The following DYM variants were observed in gnomAD, a reference collection of about 807,000 sequenced individuals.
DYM encodes dymeclin.
DYM carries 78 observed loss-of-function variants against 93.1 expected under a neutral mutation model. The ratio of observed to expected loss-of-function variants is 0.84; its 90% CI spans 0.70 to 1.01. The LOEUF (loss-of-function observed/expected upper bound fraction) is 1.01, where lower values mean the gene tolerates loss of function less well. DYM is among the 50% of genes least tolerant of loss of function. DYM has a pLI of 0.00. For synonymous variants in DYM, 321 were observed against 319.7 expected, an observed-to-expected ratio of 1.00 and a Z score of -0.04; for missense variants, 789 against 845.0, an observed-to-expected ratio of 0.93 and a Z score of 0.82.
intron 14 of DYM, among the ~76,000 whole-genome samples, chr18:49,186,547 G>C (rs1001085015): frequency 1.3e-5 from 2 of 152,094 alleles, no homozygotes; most frequent in Non-Finnish European, 2.9e-5. Flanking sequence ...TTCTTTAAAA[G>C]TCACTTTAGT....
chr18:49,354,081 G>C (rs529600956), intron 6 of DYM, among the ~76,000 whole-genome samples: 3 of 151,942 alleles, frequency 2.0e-5, no homozygotes, highest in Non-Finnish European at 2.9e-5. Flanking sequence ...AGAATAAATA[G>C]ATCAACAGAA....
intron 5 of DYM, 52 bp downstream of exon 5, chr18:49,378,515 C>T (rs1276970572): frequency 3.3e-6 from 5 of 1,514,834 alleles, no homozygotes; most frequent in Non-Finnish European, 4.6e-6. Flanking sequence ...GAAATTTTAT[C>T]CTTAAATGTT....
At chr18:49,307,444 A>C (rs1253607132) in intron 8 of DYM, among the ~76,000 whole-genome samples, 1 of 152,094 alleles carries the variant, frequency 6.6e-6, no homozygotes, top group African/African-American at 2.4e-5. Context: ...TCTACCTGCA[A>C]ATTTGCCCAT....
intron 14 of DYM, among the ~76,000 whole-genome samples, chr18:49,172,545 T>C (rs1335198044): frequency 6.6e-6 from 1 of 152,192 alleles, no homozygotes; most frequent in Admixed American, 6.5e-5. Context: ...TGCTCATATG[T>C]TGTCTTTGGT....
At chr18:49,380,667 T>C (rs757763701) in intron 3 of DYM, among the ~76,000 whole-genome samples, 11 of 152,208 alleles carry the variant, frequency 7.2e-5, no homozygotes, top group Non-Finnish European at 1.2e-4. Context: ...TAAAGCTCTA[T>C]TGGGCTGCAC....
intron 8 of DYM, among the ~76,000 whole-genome samples, chr18:49,322,605 G>A (rs906641664): frequency 5.3e-5 from 8 of 151,498 alleles, no homozygotes; most frequent in African/African-American, 1.9e-4. Flanking sequence ...TATATTTATT[G>A]TATACATTAT....
intron 6 of DYM, among the ~76,000 whole-genome samples, chr18:49,352,524 G>C (rs934436735): frequency 1.3e-5 from 2 of 152,286 alleles, no homozygotes; most frequent in African/African-American, 4.8e-5. Context: ...CAGGGACGAG[G>C]AGTTGGGATA....
chr18:49,398,637 G>A (rs2070411171), intron 2 of DYM, among the ~76,000 whole-genome samples: 1 of 152,166 alleles, frequency 6.6e-6, no homozygotes, highest in Non-Finnish European at 1.5e-5. Context: ...CAATTCCTGG[G>A]ACCAGTTCTT....
intron 2 of DYM, among the ~76,000 whole-genome samples, chr18:49,406,886 T>A (rs968479145): frequency 6.6e-6 from 1 of 152,242 alleles, no homozygotes; most frequent in Non-Finnish European, 1.5e-5. Flanking sequence ...CTCAAAAACT[T>A]GTACATGAAT....
chr18:49,061,535 G>A (rs756597547), intron 17 of DYM, among the ~76,000 whole-genome samples: 70 of 152,356 alleles, frequency 4.6e-4, no homozygotes, highest in Non-Finnish European at 7.9e-4. Context: ...GCAAAGCTGT[G>A]CCCAGGACCT....
At chr18:49,188,327 T>C (rs186297445) in intron 14 of DYM, among the ~76,000 whole-genome samples, 5 of 152,172 alleles carry the variant, frequency 3.3e-5, no homozygotes, top group Non-Finnish European at 5.9e-5. Flanking sequence ...TCCATTTTGT[T>C]TTATGAGGCC....
chr18:49,094,097 C>A (rs1486481596), intron 17 of DYM, among the ~76,000 whole-genome samples: 2 of 152,232 alleles, frequency 1.3e-5, no homozygotes, highest in African/African-American at 4.8e-5. Flanking sequence ...GGTTAATTCC[C>A]CTTGAAAAGC....
intron 16 of DYM, among the ~76,000 whole-genome samples, chr18:49,102,136 T>TTTGTCATTTTGTAAA (rs2080220101): frequency 1.3e-5 from 2 of 152,320 alleles, no homozygotes; most frequent in South Asian, 4.1e-4. Context: ...ATGTGGCAAC[T>TTTGTCATTTTGTAAA]TTGTCATTTT....
At chr18:49,132,208 G>C (rs1304329707) in intron 15 of DYM, among the ~76,000 whole-genome samples, 8 of 152,074 alleles carry the variant, frequency 5.3e-5, no homozygotes, top group Non-Finnish European at 1.2e-4. Flanking sequence ...TTTATTTAAA[G>C]ATACTTCAGC....
chr18:49,274,176 C>T (rs2094787150), intron 10 of DYM, among the ~76,000 whole-genome samples: 1 of 151,774 alleles, frequency 6.6e-6, no homozygotes, highest in African/African-American at 2.4e-5. Flanking sequence ...CCCCTATCTA[C>T]CCTGCCCAAA....
Position 49,379,767 on chromosome 18 carries a change from G to A in DYM, c.194-9C>T, listed in dbSNP as rs558155514. ...TCGAGGATTGTTTTCAACTGCAAGA[G>A]AAGAAAAGGTTTTAAAAAGTTAAAT... On this transcript the variant is annotated splice_polypyrimidine_tract_variant and intron_variant, in intron 3 of 17. Coordinates refer to ENST00000675505, the MANE Select transcript of DYM (RefSeq NM_001353214.3). 4 of 1,604,656 alleles carry A rather than the reference G, an allele frequency of 2.5e-6. No homozygotes were observed. The highest frequency in any genetic ancestry group is 3.4e-4 in the Middle Eastern group (2 of 5,930).
At chr18:49,345,946 C>G (rs1310464063) in intron 6 of DYM, among the ~76,000 whole-genome samples, 1 of 152,124 alleles carries the variant, frequency 6.6e-6, no homozygotes, top group Non-Finnish European at 1.5e-5. Context: ...TATTTTGACA[C>G]TGATCTACAA....
At chr18:49,068,585 A>C (rs1383716850) in intron 17 of DYM, among the ~76,000 whole-genome samples, 1 of 152,204 alleles carries the variant, frequency 6.6e-6, no homozygotes, top group Admixed American at 6.5e-5. Context: ...GGAGGTGAGG[A>C]GTATATGACA....
chr18:49,335,690 T>A (rs1437161048), intron 6 of DYM, among the ~76,000 whole-genome samples: 2 of 152,166 alleles, frequency 1.3e-5, no homozygotes, highest in African/African-American at 4.8e-5. Context: ...CTGGCTAGGC[T>A]TTTCACCTGG....
Sources: gnomAD v4.1 joint callset for allele counts (sites outside exome capture counted in the v4.1 genomes callset) on GRCh38, gnomAD v4.1.1 for gene constraint, MANE v1.5 for transcripts, NCBI Gene and HGNC (gene_info 2026-07-23, HGNC 2026-07-21) for gene names.